PPP1R1C: variants seen among roughly 807,000 people sequenced by gnomAD.
The protein encoded by PPP1R1C is protein phosphatase 1 regulatory inhibitor subunit 1C.
In PPP1R1C, 15 loss-of-function variants were observed where a neutral mutation model predicts 17.4. That is an observed-to-expected ratio of 0.86 (90% CI 0.58 to 1.33). The LOEUF (loss-of-function observed/expected upper bound fraction) is 1.33, where lower values mean the gene tolerates loss of function less well. PPP1R1C is among the 40% of genes most tolerant of loss of function. PPP1R1C has a pLI of 0.00. For synonymous variants in PPP1R1C, 35 were observed against 43.1 expected (o/e 0.81, Z 0.73); for missense variants, 143 against 130.0 (o/e 1.10, Z -0.48).
chr2:182,021,784 A>C (rs539148473), intron 2 of PPP1R1C, among the ~76,000 whole-genome samples: 36 of 152,354 alleles, frequency 2.4e-4, no homozygotes, highest in Non-Finnish European at 4.1e-4. Flanking sequence ...GGAGCAACTA[A>C]TATGGTCTAG....
chr2:181,988,692 A>G (rs1423924166), intron 2 of PPP1R1C, among the ~76,000 whole-genome samples: 3 of 152,170 alleles, frequency 2.0e-5, no homozygotes, highest in African/African-American at 7.2e-5. Context: ...AAGGAGTTTA[A>G]ACAGTGGAAA....
chr2:181,972,063 T>C (rs763864942), intron 1 of PPP1R1C, among the ~76,000 whole-genome samples: 1 of 152,228 alleles, frequency 6.6e-6, no homozygotes, highest in Non-Finnish European at 1.5e-5. Flanking sequence ...TTGGTTCTCA[T>C]GAAGGACTTT....
chr2:182,046,564 C>CAA (rs146696724), intron 2 of PPP1R1C, among the ~76,000 whole-genome samples: 5 of 119,116 alleles, frequency 4.2e-5, no homozygotes, highest in South Asian at 2.7e-4. Context: ...CGTCTCTACT[C>CAA]AAAAAAAAAA....
rs369755758 is a variant in PPP1R1C at position 181,987,908 on chromosome 2, G to C, written c.142+9G>C. 6.2e-7 allele frequency: 1 copy of C among 1,607,972 alleles called. No homozygotes were observed. The highest frequency in any genetic ancestry group is 8.5e-7 in the Non-Finnish European group (1 of 1,175,104). On this transcript the variant is annotated intron_variant, in intron 2 of 4. Coordinates refer to ENST00000682840, the MANE Select transcript of PPP1R1C (RefSeq NM_001080545.3). ...TGAGCATAACCCCCCAGGTAAAGAA[G>C]CATGATGTGTTTCACACTGATGGAA...
downstream of PPP1R1C, among the ~76,000 whole-genome samples, chr2:182,118,634 G>A (rs1689651598): frequency 7.7e-6 from 1 of 130,698 alleles, no homozygotes. Flanking sequence ...TAATGTAGAA[G>A]TTAAGAGAGT....
rs1196145 is a variant in PPP1R1C at position 182,039,737 on chromosome 2, T to G, written c.143-21705T>G. ...TTGTATAGTGGTGAAATCTAAGATT[T>G]TAGTGCATTTGACATCTAAGTAGTG... On this transcript the variant is annotated intron_variant, in intron 2 of 4. Coordinates refer to ENST00000682840, the MANE Select transcript of PPP1R1C (RefSeq NM_001080545.3). Among the ~76,000 whole-genome samples the G allele has an allele frequency of 4.3e-3, 658 of 152,232 alleles. 5 individuals carry two copies. The highest frequency in any genetic ancestry group is 0.015 in the African/African-American group (623 of 41,516).
intron 2 of PPP1R1C, among the ~76,000 whole-genome samples, chr2:182,025,018 C>T (rs1469667128): frequency 2.7e-5 from 4 of 148,894 alleles, no homozygotes; most frequent in African/African-American, 9.8e-5. Context: ...AAAGCTATGA[C>T]TTGACAACCA....
At chr2:182,021,319 CTCTTTTT>C (rs1490533992) in intron 2 of PPP1R1C, among the ~76,000 whole-genome samples, 16 of 52,894 alleles carry the variant, frequency 3.0e-4, no homozygotes, top group East Asian at 1.7e-3. Context: ...TTCTCTCTCT[CTCTTTTT>C]TTTTTTTTTT....
At chr2:182,107,068 G>A (rs945331368) in intron 4 of PPP1R1C, among the ~76,000 whole-genome samples, 5 of 152,184 alleles carry the variant, frequency 3.3e-5, no homozygotes, top group African/African-American at 1.2e-4. Context: ...CAGATACTGA[G>A]GGCTATGAAT....
chr2:181,983,242 A>G (rs770297243), upstream of PPP1R1C, among the ~76,000 whole-genome samples: 1 of 152,228 alleles, frequency 6.6e-6, no homozygotes, highest in Non-Finnish European at 1.5e-5. Flanking sequence ...CCCAAGCCCT[A>G]TGCAAAATTG....
intron 4 of PPP1R1C, among the ~76,000 whole-genome samples, chr2:182,108,912 T>A (rs762457592): frequency 4.6e-5 from 7 of 152,210 alleles, no homozygotes; most frequent in Non-Finnish European, 8.8e-5. Flanking sequence ...TTGTATAGTA[T>A]GTTTACTTTT....
rs564623460 is a variant in PPP1R1C at position 182,056,711 on chromosome 2, G to A, written c.143-4731G>A. On this transcript the variant is annotated intron_variant, in intron 2 of 4. Coordinates refer to ENST00000682840, the MANE Select transcript of PPP1R1C (RefSeq NM_001080545.3). Reference sequence around the variant, plus strand: ...CCAGAATAAATCATTCCTTTCCATGGTTTTAGTTATTGTCTAAGGCTAGTT... The same window carrying A: ...CCAGAATAAATCATTCCTTTCCATGATTTTAGTTATTGTCTAAGGCTAGTT... Among the ~76,000 whole-genome samples the A allele has an allele frequency of 2.6e-5, 4 of 152,132 alleles. No homozygotes were observed. In the East Asian group the frequency reaches 7.7e-4, roughly 29 times the overall value.
Position 181,962,605 on chromosome 2 carries a change from T to C in PPP1R1C, n.111+7971T>C. On this transcript the variant is annotated intron_variant and non_coding_transcript_variant, in intron 1 of 5. Coordinates refer to the PPP1R1C transcript ENST00000464264. This position sits in a 1 kb window ranked among gnomAD's most constrained non-coding sequence, Gnocchi z 6.0. The stretch of plus-strand genomic sequence containing the variant: ...CAAAGCAAAGAGCGGGAGGGGCCCT[T>C]GGGCCAAGTATCAGGGCAATAAATT... The C allele has an allele frequency of 4.8e-6, 2 of 416,080 alleles. No individual in the cohort carries two copies. Among genetic ancestry groups the C allele is most frequent in the Non-Finnish European group, 8.6e-6 (2 of 231,672 alleles). The allele number at this position is 416,080 out of a possible 1,614,324, so 25.8% of individuals were successfully genotyped here. A position where few individuals can be genotyped will look rare whatever the true frequency, so the allele number is the denominator to read the frequency against.
chr2:182,087,003 C>G (rs1434417392), intron 4 of PPP1R1C, among the ~76,000 whole-genome samples: 1 of 152,074 alleles, frequency 6.6e-6, no homozygotes, highest in East Asian at 1.9e-4. Flanking sequence ...ACAGGCCAAA[C>G]ACTTTAGTCT....
chr2:182,007,356 A>G (rs1685953073), intron 2 of PPP1R1C, among the ~76,000 whole-genome samples: 1 of 152,190 alleles, frequency 6.6e-6, no homozygotes, highest in Non-Finnish European at 1.5e-5. Flanking sequence ...TAAGAATACT[A>G]ACATACTACT....
In PPP1R1C at chr2:181,962,211, G is replaced by C. The variant is rs1213540079; in HGVS notation, n.111+7577G>C. ...ACTCTGTCCAGGTAGGAGGCCAGAC[G>C]GTCATTCAGGCTTTGCATTGTCTCC... On this transcript the variant is annotated intron_variant and non_coding_transcript_variant, in intron 1 of 5. Coordinates refer to the PPP1R1C transcript ENST00000464264. This position sits in a 1 kb window ranked among gnomAD's most constrained non-coding sequence, Gnocchi z 6.0. The C allele has an allele frequency of 1.4e-6, 1 of 735,602 alleles. No homozygotes were observed. The highest frequency in any genetic ancestry group is 1.7e-5 in the African/African-American group (1 of 57,476). The allele number at this position is 735,602 out of a possible 1,614,324, so 45.6% of individuals were successfully genotyped here.
At chr2:182,011,226 A>G (rs1686080119) in intron 2 of PPP1R1C, among the ~76,000 whole-genome samples, 1 of 152,042 alleles carries the variant, frequency 6.6e-6, no homozygotes, top group Admixed American at 6.6e-5. Context: ...GGTAAAATTC[A>G]GCAGTGAAGC....
At position 181,986,061 on chromosome 2, in the gene PPP1R1C, G is replaced by T; in HGVS notation, c.-50G>T. On this transcript the variant is annotated 5_prime_UTR_variant, in exon 1 of 5. Coordinates refer to ENST00000682840, the MANE Select transcript of PPP1R1C (RefSeq NM_001080545.3). ...GAAACACATCCCGGACACCACTTAGGGTTAGTCTTTCTGAGCTCTTCACAT... is the reference window on the plus strand; with the variant it reads ...GAAACACATCCCGGACACCACTTAGTGTTAGTCTTTCTGAGCTCTTCACAT... 7.0e-7 allele frequency: 1 copy of T among 1,425,262 alleles called. No homozygotes were observed. The highest frequency in any genetic ancestry group is 1.1e-5 in the South Asian group (1 of 87,326). The allele number at this position is 1,425,262 out of a possible 1,614,324, so 88.3% of individuals were successfully genotyped here.
intron 2 of PPP1R1C, among the ~76,000 whole-genome samples, chr2:182,029,439 C>T (rs1196179): frequency 0.64 from 96,235 of 149,818 alleles, 31,899 homozygotes; most frequent in Non-Finnish European, 0.74. Flanking sequence ...ATTTGCTTGT[C>T]TGTAAAGTAT....
Sources: gnomAD v4.1 joint callset for allele counts (sites outside exome capture counted in the v4.1 genomes callset) on GRCh38, gnomAD v4.1.1 for gene constraint, Gnocchi (gnomAD v3.1) non-coding constraint, MANE v1.5 for transcripts, NCBI Gene and HGNC (gene_info 2026-07-23, HGNC 2026-07-21) for gene names.